The following CNTN4 variants were observed in gnomAD, a reference collection of about 807,000 sequenced individuals.
CNTN4 encodes contactin-4.
Under a neutral mutation model 122.5 loss-of-function variants are expected in CNTN4, and 77 were observed. The ratio of observed to expected loss-of-function variants is 0.63; its 90% confidence interval spans 0.52 to 0.76. CNTN4 has a LOEUF of 0.76. Ranked by LOEUF, CNTN4 falls within the 30% of genes least tolerant of loss-of-function variation. CNTN4 has a pLI of 0.00. For synonymous variants in CNTN4, 512 were observed against 447.0 expected (o/e 1.15, Z -1.83); for missense variants, 1,256 against 1,259.1 (o/e 1.00, Z 0.04).
intron 2 of CNTN4, among the ~76,000 whole-genome samples, chr3:2,254,304 G>A (rs1038192866): frequency 2.0e-5 from 3 of 152,106 alleles, no homozygotes; most frequent in African/African-American, 7.2e-5. Flanking sequence ...TGGGCATACG[G>A]GTTGGTTCCA....
intron 2 of CNTN4, among the ~76,000 whole-genome samples, chr3:2,266,084 G>A (rs2041032042): frequency 6.6e-6 from 1 of 151,980 alleles, no homozygotes; most frequent in African/African-American, 2.4e-5. Context: ...GCTCTGACTA[G>A]GATTGCCAGT....
chr3:2,913,478 G>T (rs6772862), intron 12 of CNTN4, among the ~76,000 whole-genome samples: 13 of 152,264 alleles, frequency 8.5e-5, no homozygotes, highest in Middle Eastern at 6.8e-3. Context: ...AAAATAATCC[G>T]TGCAAACCAG....
intron 13 of CNTN4, among the ~76,000 whole-genome samples, chr3:2,948,054 A>G (rs2094698068): frequency 6.6e-6 from 1 of 152,330 alleles, no homozygotes; most frequent in African/African-American, 2.4e-5. Context: ...GTCACAAGCC[A>G]TGTGAATGAG....
chr3:2,419,730 T>C (rs1441005422), intron 3 of CNTN4, among the ~76,000 whole-genome samples: 2 of 152,206 alleles, frequency 1.3e-5, no homozygotes, highest in Non-Finnish European at 2.9e-5. Context: ...AGGAAACCTG[T>C]AGAAAACCAA....
chr3:2,917,161 C>T lies in CNTN4; in HGVS notation c.1208-8468C>T, dbSNP rs563273226. ...CCAAAAAATATAAAAACCAGTCAGG[C>T]GTGGCGGCGCGCGCCTGCAATCGCA... On this transcript the variant is annotated intron_variant, in intron 12 of 24. Transcript: ENST00000418658. Among the ~76,000 whole-genome samples, 435 of 147,366 alleles carry T rather than the reference C, an allele frequency of 3.0e-3. 8 individuals are homozygous for T. The highest frequency in any genetic ancestry group is 0.011 in the African/African-American group (410 of 38,714).
At chr3:2,189,272 AAC>A (rs2037414395) in intron 2 of CNTN4, among the ~76,000 whole-genome samples, 1 of 152,152 alleles carries the variant, frequency 6.6e-6, no homozygotes, top group Non-Finnish European at 1.5e-5. Context: ...CTTGATGTAA[AAC>A]ACAATGTGAG....
intron 3 of CNTN4, among the ~76,000 whole-genome samples, chr3:2,463,541 C>G (rs1021776891): frequency 6.6e-6 from 1 of 152,130 alleles, no homozygotes; most frequent in Non-Finnish European, 1.5e-5. Context: ...GGATGGATCA[C>G]CTGAGGTCAG....
chr3:2,996,031 T>C (rs1425264960), intron 14 of CNTN4, among the ~76,000 whole-genome samples: 1 of 152,160 alleles, frequency 6.6e-6, no homozygotes, highest in Non-Finnish European at 1.5e-5. Flanking sequence ...AATATAAAAT[T>C]AGTAATATAA....
chr3:2,677,866 T>G (rs899010593), intron 4 of CNTN4, among the ~76,000 whole-genome samples: 1 of 152,158 alleles, frequency 6.6e-6, no homozygotes, highest in African/African-American at 2.4e-5. Context: ...ACGGTACAAT[T>G]TGCAATAAAC....
rs113350391 is a variant in CNTN4, at chr3:2,461,505, G to A, written c.-88-109911G>A. 7.7e-3 allele frequency among the ~76,000 whole-genome samples: 1,179 copies of A among 152,176 alleles called. 7 individuals are homozygous for A. Among genetic ancestry groups the A allele is most frequent in the Non-Finnish European group, 0.011 (737 of 68,006 alleles). ...CTCCCAGGCTGGCCAGCTACTAAGC[G>A]GTAGATCCAGGGCTCCCACCCACGT... is the stretch of plus-strand genomic sequence containing the variant. On this transcript the variant is annotated intron_variant, in intron 3 of 24. Coordinates refer to ENST00000418658, the MANE Select transcript of CNTN4 (RefSeq NM_175607.3).
rs537316587 is a variant in CNTN4 at position 2,243,675 on chromosome 3, T to TA, written c.-144-95502dup. Among the ~76,000 whole-genome samples, 3 of 152,236 alleles carry TA rather than the reference T, an allele frequency of 2.0e-5. No homozygotes were observed. In the South Asian group the frequency reaches 6.2e-4, roughly 32 times the overall value. The stretch of plus-strand genomic sequence containing the variant: ...AACAAAATGGAGTGGATGAATAGTG[T>TA]AGTTCACTATGGACAAGTTAAATAA... On this transcript the variant is annotated intron_variant, in intron 2 of 24. Transcript: ENST00000418658.
chr3:2,447,328 TTATC>T (rs2151326386), intron 3 of CNTN4, among the ~76,000 whole-genome samples: 1 of 152,286 alleles, frequency 6.6e-6, no homozygotes, highest in East Asian at 1.9e-4. Context: ...CACATTCTAA[TTATC>T]TAATGTCTTT....
chr3:2,930,452 T>C (rs1242010471), intron 13 of CNTN4, among the ~76,000 whole-genome samples: 1 of 152,218 alleles, frequency 6.6e-6, no homozygotes, highest in South Asian at 2.1e-4. Flanking sequence ...TTTAGTTGTC[T>C]GGAAAAATCA....
At chr3:2,780,344 T>G (rs926404706) in intron 6 of CNTN4, among the ~76,000 whole-genome samples, 2 of 152,234 alleles carry the variant, frequency 1.3e-5, no homozygotes, top group Admixed American at 1.3e-4. Context: ...CTCTGTGGAA[T>G]GGATTCCTTG....
chr3:2,431,300 A>C (rs1258482452), intron 3 of CNTN4, among the ~76,000 whole-genome samples: 3 of 152,210 alleles, frequency 2.0e-5, no homozygotes, highest in Admixed American at 6.5e-5. Flanking sequence ...CAGCATATAG[A>C]ACAATATGCA....
chr3:2,551,628 G>A lies in CNTN4; in HGVS notation c.-88-19788G>A, dbSNP rs182877823. 4.6e-5 allele frequency among the ~76,000 whole-genome samples: 7 copies of A among 152,160 alleles called. No homozygotes were observed. The East Asian group carries it at 1.4e-3, about 29-fold the overall frequency. On this transcript the variant is annotated intron_variant, in intron 3 of 24. Transcript: ENST00000418658. ...TTTTTGAAAATAATAATAGCAGAGG[G>A]AATCCCATGCAAAATCAGTTTGTTA...
rs1432358003 is a variant in CNTN4 at position 2,117,026 on chromosome 3, T to C, written c.-145+16387T>C. 2.0e-5 allele frequency among the ~76,000 whole-genome samples: 3 copies of C among 152,266 alleles called. No homozygotes were observed. The East Asian group carries it at 5.8e-4, about 29-fold the overall frequency. On this transcript the variant is annotated intron_variant, in intron 2 of 24. Transcript: ENST00000418658. ...TTTTCCAGCAGACACTAACTCAGCG[T>C]CCTCTAATTCAGTTCAGTACTGACA...
rs1384777177 is a variant in CNTN4, at chr3:2,827,992, G to C, written c.454+8411G>C. ...ATTGTCATAAAAAGCTATAAGAATAGTGCTGTAAGTATTGATCACCTTTTC... is the reference window on the plus strand; with the variant it reads ...ATTGTCATAAAAAGCTATAAGAATACTGCTGTAAGTATTGATCACCTTTTC... On this transcript the variant is annotated intron_variant, in intron 7 of 24. Transcript: ENST00000418658. Among the ~76,000 whole-genome samples, 16 of 152,034 alleles carry C rather than the reference G, an allele frequency of 1.1e-4. 1 individual carries two copies. The highest frequency in any genetic ancestry group is 1.0e-3 in the Admixed American group (16 of 15,254).
At chr3:2,612,107 TACACACAC>T (rs58025362) in intron 4 of CNTN4, among the ~76,000 whole-genome samples, 41,477 of 150,022 alleles carry the variant, frequency 0.28, 6,964 homozygotes, top group Middle Eastern at 0.45. Flanking sequence ...ATACATATAA[TACACACAC>T]ACACACACAC....
Sources: gnomAD v4.1 joint callset for allele counts (sites outside exome capture counted in the v4.1 genomes callset) on GRCh38, gnomAD v4.1.1 for gene constraint, MANE v1.5 for transcripts, NCBI Gene and HGNC (gene_info 2026-07-23, HGNC 2026-07-21) for gene names.